Variants in ACYP2 observed in about 807,000 individuals in gnomAD.
ACYP2 encodes the protein acylphosphatase 2, also known as acylphosphatase-2.
In ACYP2, 12 loss-of-function variants were observed where a neutral mutation model predicts 11.2. The ratio of observed to expected loss-of-function variants is 1.08; its 90% CI spans 0.69 to 1.74. The LOEUF (loss-of-function observed/expected upper bound fraction) is 1.74, where lower values mean the gene tolerates loss of function less well. Ranked by LOEUF, ACYP2 falls within the 40% of genes most tolerant of loss-of-function variation. The pLI is 0.00. For synonymous variants in ACYP2, 43 were observed against 32.2 expected (o/e 1.33, Z -1.13); for missense variants, 134 against 101.9 (o/e 1.31, Z -1.35).
intron 6 of ACYP2, among the ~76,000 whole-genome samples, chr2:54,258,631 T>A (rs1264234547): frequency 3.3e-5 from 5 of 151,956 alleles, no homozygotes; most frequent in African/African-American, 1.2e-4. Context: ...AATGGTAGAT[T>A]TAGGGGGATC....
At chr2:54,014,653 T>C (rs1033042475) in intron 2 of ACYP2, among the ~76,000 whole-genome samples, 40 of 152,280 alleles carry the variant, frequency 2.6e-4, no homozygotes, top group African/African-American at 9.1e-4. Flanking sequence ...AAGCTCTTTT[T>C]ATTTCAGCTG....
At chr2:54,012,279 C>G (rs1403439846) in intron 2 of ACYP2, among the ~76,000 whole-genome samples, 2 of 150,950 alleles carry the variant, frequency 1.3e-5, no homozygotes, top group East Asian at 3.9e-4. Flanking sequence ...TGGTGGCTCA[C>G]ACGATCACTT....
intron 6 of ACYP2, chr2:54,167,112 C>G (rs900113618): frequency 5.3e-5 from 8 of 151,916 alleles, no homozygotes; most frequent in Non-Finnish European, 8.8e-5. Context: ...GACCTGTGAC[C>G]TTTTGCCTCC....
At chr2:54,023,355 A>G (rs766370947) in intron 2 of ACYP2, among the ~76,000 whole-genome samples, 5 of 152,140 alleles carry the variant, frequency 3.3e-5, no homozygotes, top group Middle Eastern at 3.2e-3. Context: ...GGGTCTCCCT[A>G]TGTTGTCTAG....
At chr2:54,018,427 G>A (rs555739709) in intron 2 of ACYP2, among the ~76,000 whole-genome samples, 2 of 152,220 alleles carry the variant, frequency 1.3e-5, no homozygotes, top group East Asian at 1.9e-4. Flanking sequence ...GCTTTCTGAT[G>A]TCTTTTTTGT....
chr2:54,256,178 G>A, intron 6 of ACYP2: 1 of 1,590,212 alleles, frequency 6.3e-7, no homozygotes. Context: ...GCAGCAGTGG[G>A]TAGAGGCCAG....
chr2:54,254,455 C>G (rs843705), intron 6 of ACYP2: 74,209 of 155,714 alleles, frequency 0.48, 18,720 homozygotes, highest in African/African-American at 0.65. Context: ...CACAGACCAA[C>G]TTGCCCCCTG....
chr2:54,009,189 G>C (rs534039528), intron 2 of ACYP2, among the ~76,000 whole-genome samples: 1 of 152,066 alleles, frequency 6.6e-6, no homozygotes, highest in Non-Finnish European at 1.5e-5. Context: ...AAGATTTGAG[G>C]ACTCGAGGAA....
At chr2:54,092,304 T>A (rs1453753441) in intron 4 of ACYP2, among the ~76,000 whole-genome samples, 2 of 152,172 alleles carry the variant, frequency 1.3e-5, no homozygotes, top group South Asian at 2.1e-4. Context: ...GAAAAATGGA[T>A]CCTGATAATC....
At chr2:54,163,436 C>G (rs1448571260) in intron 6 of ACYP2, among the ~76,000 whole-genome samples, 1 of 152,092 alleles carries the variant, frequency 6.6e-6, no homozygotes, top group Non-Finnish European at 1.5e-5. Flanking sequence ...AGTGGACACC[C>G]TTGAAAATTA....
chr2:54,034,130 G>C (rs1485743774), intron 2 of ACYP2, among the ~76,000 whole-genome samples: 9 of 152,158 alleles, frequency 5.9e-5, no homozygotes. Context: ...GGCCAAGGTG[G>C]GTGGATCACT....
At chr2:54,125,118 A>G (rs1418182659) in intron 4 of ACYP2, among the ~76,000 whole-genome samples, 1 of 152,134 alleles carries the variant, frequency 6.6e-6, no homozygotes, top group African/African-American at 2.4e-5. Context: ...ATGGATTTAA[A>G]AAAAAAAACT....
chr2:54,260,967 A>G (rs1427371535), intron 6 of ACYP2, among the ~76,000 whole-genome samples: 7 of 152,210 alleles, frequency 4.6e-5, no homozygotes, highest in Admixed American at 4.6e-4. Context: ...CAGGAGACTC[A>G]AAGCTGGATA....
chr2:54,138,561 T>C (rs1681403860), intron 5 of ACYP2, 78 bp from the exon 3 acceptor site: 7 of 1,115,626 alleles, frequency 6.3e-6, no homozygotes, highest in Non-Finnish European at 9.0e-6. Context: ...TAGCATTTTT[T>C]GGATATTAGA....
chr2:54,247,188 T>C (rs1229809976), intron 6 of ACYP2, among the ~76,000 whole-genome samples: 1 of 152,208 alleles, frequency 6.6e-6, no homozygotes, highest in Non-Finnish European at 1.5e-5. Context: ...TCCTTGAGAT[T>C]TTTCCATTTT....
chr2:54,265,254 G>GCC (rs1392886822), intron 6 of ACYP2, among the ~76,000 whole-genome samples: 1 of 152,146 alleles, frequency 6.6e-6, no homozygotes, highest in Admixed American at 6.5e-5. Context: ...TTGGTGGAAG[G>GCC]CAAGGAGGAG....
intron 2 of ACYP2, among the ~76,000 whole-genome samples, chr2:54,002,665 T>A (rs529177987): frequency 4.7e-4 from 70 of 147,700 alleles, no homozygotes; most frequent in African/African-American, 9.9e-4. Flanking sequence ...ATTTTATTTT[T>A]TTTGAGACGG....
rs192141001 is a variant in ACYP2, at chr2:54,283,944, G to A, written c.405-20744G>A. Among the ~76,000 whole-genome samples the A allele has an allele frequency of 1.7e-3, 264 of 152,196 alleles. 2 individuals are homozygous for A. Among genetic ancestry groups the A allele is most frequent in the African/African-American group, 5.9e-3 (243 of 41,538 alleles). Reference sequence around the variant, plus strand: ...AGCCAGGCCAACATGGAGAAACCCCGTCTCTACTAAAAATACAAATATTAG... The same window carrying A: ...AGCCAGGCCAACATGGAGAAACCCCATCTCTACTAAAAATACAAATATTAG... On this transcript the variant is annotated intron_variant, in intron 6 of 6. Transcript: ENST00000607452.
chr2:54,095,040 G>C (rs968428444), intron 4 of ACYP2, among the ~76,000 whole-genome samples: 2 of 150,634 alleles, frequency 1.3e-5, no homozygotes, highest in African/African-American at 4.9e-5. Flanking sequence ...GCGGCCTTCC[G>C]CGGTGTTTGT....
Sources: gnomAD v4.1 joint callset for allele counts (sites outside exome capture counted in the v4.1 genomes callset) on GRCh38, gnomAD v4.1.1 for gene constraint, MANE v1.5 for transcripts, NCBI Gene and HGNC (gene_info 2026-07-23, HGNC 2026-07-21) for gene names.